CCDC171: variants seen among roughly 807,000 people sequenced by gnomAD.
CCDC171 encodes the protein coiled-coil domain-containing protein 171.
A neutral mutation model predicts 168.2 loss-of-function variants in CCDC171; 177 were observed. The observed-to-expected ratio is 1.05, with a 90% CI of 0.93 to 1.19. The LOEUF is 1.19. Ranked by LOEUF, CCDC171 falls within the 50% of genes most tolerant of loss-of-function variation. The probability of loss-of-function intolerance (pLI) is 0.00; values close to 1 mark genes in which losing one functional copy is unlikely to be tolerated. For missense variants in CCDC171, 1,991 were observed against 1,539.0 expected (o/e 1.29, Z -4.91); for synonymous variants, 687 against 540.8 (o/e 1.27, Z -3.75).
At chr9:16,031,490 T>C (rs1833363214) in intron 6 of CCDC171, among the ~76,000 whole-genome samples, 2 of 152,216 alleles carry the variant, frequency 1.3e-5, no homozygotes. Context: ...GTCACAGTGT[T>C]TACTGTGATA....
chr9:15,956,672 A>C (rs1445175185), intron 25 of CCDC171, among the ~76,000 whole-genome samples: 3 of 152,160 alleles, frequency 2.0e-5, no homozygotes, highest in African/African-American at 7.2e-5. Context: ...AAAGGATTAA[A>C]ATTTTATTTC....
chr9:15,831,124 C>T (rs768433185), intron 21 of CCDC171, among the ~76,000 whole-genome samples: 2 of 151,956 alleles, frequency 1.3e-5, no homozygotes, highest in Non-Finnish European at 2.9e-5. Context: ...TGCCCACCAC[C>T]ATGCCCGGCT....
intron 18 of CCDC171, among the ~76,000 whole-genome samples, chr9:15,763,704 A>G (rs1470597919): frequency 6.6e-6 from 1 of 152,214 alleles, no homozygotes; most frequent in African/African-American, 2.4e-5. Flanking sequence ...TCTGCTCAGC[A>G]TAATGTTTTT....
At chr9:15,621,393 T>C (rs1321192033) in intron 6 of CCDC171, among the ~76,000 whole-genome samples, 1 of 152,256 alleles carries the variant, frequency 6.6e-6, no homozygotes, top group African/African-American at 2.4e-5. Context: ...AAAATTGATG[T>C]GACTCACTTT....
At chr9:15,808,417 A>C (rs1436745976) in intron 21 of CCDC171, among the ~76,000 whole-genome samples, 2 of 152,200 alleles carry the variant, frequency 1.3e-5, no homozygotes, top group Non-Finnish European at 2.9e-5. Context: ...AAGAAGACAG[A>C]GGGGCAAGGG....
At chr9:15,876,086 A>T (rs1817802997) in intron 24 of CCDC171, 1 of 152,018 alleles carries the variant, frequency 6.6e-6, no homozygotes, top group African/African-American at 2.4e-5. Flanking sequence ...TCAAAACTAG[A>T]TGTTGGTGAT....
intron 23 of CCDC171, among the ~76,000 whole-genome samples, chr9:15,851,536 CTT>C (rs1298807088): frequency 2.6e-5 from 4 of 151,818 alleles, no homozygotes; most frequent in Non-Finnish European, 5.9e-5. Context: ...ACCCTTCTCT[CTT>C]GAGTTGAAAT....
intron 20 of CCDC171, among the ~76,000 whole-genome samples, chr9:15,779,975 A>T (rs1000710496): frequency 6.6e-6 from 1 of 152,240 alleles, no homozygotes; most frequent in Non-Finnish European, 1.5e-5. Context: ...CTGAAACTTC[A>T]AGACTGTACA....
intron 1 of CCDC171, among the ~76,000 whole-genome samples, chr9:15,558,360 C>G (rs2038986341): frequency 6.6e-6 from 1 of 152,128 alleles, no homozygotes; most frequent in South Asian, 2.1e-4. Flanking sequence ...GTGAATCCGT[C>G]TGGTCCTGGA....
chr9:16,104,241 C>A, the CCDC171 span, among the ~76,000 whole-genome samples: 1 of 152,050 alleles, frequency 6.6e-6, no homozygotes, highest in Non-Finnish European at 1.5e-5. Context: ...ATCCTAATGG[C>A]ACAGATTCTC....
chr9:15,631,001 C>A (rs1018044645), intron 7 of CCDC171, among the ~76,000 whole-genome samples: 3 of 152,034 alleles, frequency 2.0e-5, no homozygotes, highest in African/African-American at 7.2e-5. Context: ...ATACCAGAAT[C>A]TCTGGGACAC....
chr9:15,733,237 G>A (rs769936732), intron 16 of CCDC171, among the ~76,000 whole-genome samples: 1 of 152,020 alleles, frequency 6.6e-6, no homozygotes, highest in Non-Finnish European at 1.5e-5. Flanking sequence ...TACATGATTT[G>A]TAAATGTTTT....
At chr9:15,983,364 T>C (rs1485171435) in intron 3 of CCDC171, among the ~76,000 whole-genome samples, 1 of 152,200 alleles carries the variant, frequency 6.6e-6, no homozygotes, top group African/African-American at 2.4e-5. Flanking sequence ...TATCTGTTTT[T>C]CTTTTTTTAA....
intron 1 of CCDC171, among the ~76,000 whole-genome samples, chr9:16,055,680 G>A (rs1833828498): frequency 6.6e-6 from 1 of 152,332 alleles, no homozygotes; most frequent in Admixed American, 6.5e-5. Context: ...CAGCATGTTG[G>A]CCTTACCTTG....
intron 10 of CCDC171, among the ~76,000 whole-genome samples, chr9:15,693,475 A>G (rs1587998323): frequency 2.4e-5 from 1 of 41,292 alleles, no homozygotes; most frequent in East Asian, 3.5e-3. Context: ...GGTGAGGACA[A>G]AAAAAAAAAA....
the CCDC171 span, among the ~76,000 whole-genome samples, chr9:16,095,930 G>T: frequency 7.1e-6 from 1 of 141,646 alleles, no homozygotes; most frequent in Non-Finnish European, 1.5e-5. Context: ...TATGATATAG[G>T]GGTATGTCTA....
At chr9:15,900,284 GC>G (rs1404370496) in intron 24 of CCDC171, among the ~76,000 whole-genome samples, 4 of 152,224 alleles carry the variant, frequency 2.6e-5, no homozygotes, top group Admixed American at 6.5e-5. Flanking sequence ...CTGGAGGAAA[GC>G]AAACAGCCAT....
chr9:15,597,754 G>A (rs533178277), intron 6 of CCDC171, among the ~76,000 whole-genome samples: 154 of 152,192 alleles, frequency 1.0e-3, no homozygotes, highest in Non-Finnish European at 1.8e-3. Context: ...GGTAGAATTC[G>A]GCTGTGAATC....
rs965802485 is a variant in CCDC171, at chr9:15,625,785, G to C, written c.822+2372G>C. Among the ~76,000 whole-genome samples the C allele has an allele frequency of 2.6e-5, 4 of 152,196 alleles. No homozygotes were observed. In the East Asian group the frequency reaches 5.8e-4, roughly 22 times the overall value. On this transcript the variant is annotated intron_variant, in intron 7 of 25. Transcript: ENST00000380701. ...AGCTTTGTTCTTTTTGCTTAGGATTGTCTTGGCAATGCGGGCTCTTTTTTG... is the reference window on the plus strand; with the variant it reads ...AGCTTTGTTCTTTTTGCTTAGGATTCTCTTGGCAATGCGGGCTCTTTTTTG...
Sources: allele counts gnomAD v4.1 joint callset (sites outside exome capture counted in the v4.1 genomes callset), GRCh38; gene constraint gnomAD v4.1.1; transcripts MANE v1.5; gene names NCBI Gene and HGNC (gene_info 2026-07-23, HGNC 2026-07-21).